PCDH15: variants seen among roughly 807,000 people sequenced by gnomAD.
PCDH15 encodes the protein protocadherin-15.
PCDH15 carries 129 observed loss-of-function variants against 178.5 expected under a neutral mutation model. The observed-to-expected ratio is 0.72, with a 90% CI of 0.63 to 0.84. The LOEUF is 0.84. PCDH15 is among the 40% of genes least tolerant of loss of function. PCDH15 has a pLI of 0.00. For missense variants in PCDH15, 2,230 were observed against 2,099.9 expected (o/e 1.06, Z -1.21); for synonymous variants, 800 against 732.0 (o/e 1.09, Z -1.50).
chr10:54,179,465 T>C (rs2047768508), intron 13 of PCDH15, among the ~76,000 whole-genome samples: 2 of 151,626 alleles, frequency 1.3e-5, no homozygotes, highest in Admixed American at 6.6e-5. Context: ...ATATACCTAA[T>C]GCTAAATGAC....
chr10:55,457,259 T>C (rs971869205), intron 2 of PCDH15, among the ~76,000 whole-genome samples: 2 of 152,100 alleles, frequency 1.3e-5, no homozygotes, highest in Non-Finnish European at 2.9e-5. Flanking sequence ...AACTACCACA[T>C]GCTTGTTGCC....
At chr10:55,234,543 G>T (rs2132202988) in intron 1 of PCDH15, among the ~76,000 whole-genome samples, 1 of 151,646 alleles carries the variant, frequency 6.6e-6, no homozygotes, top group South Asian at 2.1e-4. Context: ...AATTTTTTTG[G>T]TTGGGTGGAT....
At chr10:54,066,517 A>AT (rs2094139702) in intron 18 of PCDH15, among the ~76,000 whole-genome samples, 1 of 152,344 alleles carries the variant, frequency 6.6e-6, no homozygotes, top group African/African-American at 2.4e-5. Flanking sequence ...TATATATTAA[A>AT]TTAGCATACT....
At chr10:54,541,942 C>G (rs1411946283) in intron 2 of PCDH15, among the ~76,000 whole-genome samples, 1 of 152,044 alleles carries the variant, frequency 6.6e-6, no homozygotes, top group East Asian at 1.9e-4. Context: ...ACTTTGACTA[C>G]TAAATAAAAT....
intron 11 of PCDH15, among the ~76,000 whole-genome samples, chr10:54,193,862 A>C (rs1225050521): frequency 1.3e-5 from 2 of 152,156 alleles, no homozygotes; most frequent in African/African-American, 4.8e-5. Flanking sequence ...CACTGTGATC[A>C]TGGTAAGGCA....
intron 1 of PCDH15, among the ~76,000 whole-genome samples, chr10:54,716,457 CCT>C (rs2132431367): frequency 1.3e-5 from 2 of 152,196 alleles, no homozygotes; most frequent in East Asian, 3.9e-4. Flanking sequence ...TTGTAGTTCT[CCT>C]TGAAGAGGTC....
At chr10:54,991,513 C>T (rs1839500484) in intron 2 of PCDH15, among the ~76,000 whole-genome samples, 1 of 152,074 alleles carries the variant, frequency 6.6e-6, no homozygotes, top group Non-Finnish European at 1.5e-5. Context: ...CAAATAATTA[C>T]TAATTTTATA....
intron 3 of PCDH15, among the ~76,000 whole-genome samples, chr10:54,836,440 T>C (rs914229622): frequency 6.6e-5 from 10 of 152,078 alleles, no homozygotes; most frequent in African/African-American, 1.7e-4. Flanking sequence ...ATCTTCAAAA[T>C]AGAGAAAAAT....
At chr10:54,639,923 T>C (rs933670395) in intron 2 of PCDH15, among the ~76,000 whole-genome samples, 1 of 152,092 alleles carries the variant, frequency 6.6e-6, no homozygotes, top group Non-Finnish European at 1.5e-5. Context: ...CTAGTGATTA[T>C]AGATAGATTT....
Position 54,939,361 on chromosome 10 carries a change from G to T in PCDH15, c.-79-41861C>A, listed in dbSNP as rs564556818. Among the ~76,000 whole-genome samples the T allele has an allele frequency of 1.8e-4, 27 of 151,638 alleles. No individual in the cohort carries two copies. In the East Asian group the frequency reaches 5.3e-3, roughly 30 times the overall value. Reference sequence around the variant, plus strand: ...AAACAAAAAATTAGCCGGGCGTGGTGGCGGGCCCCTGTAGTCCCAGCTACT... The same window carrying T: ...AAACAAAAAATTAGCCGGGCGTGGTTGCGGGCCCCTGTAGTCCCAGCTACT... On this transcript the variant is annotated intron_variant, in intron 2 of 5. Coordinates refer to the PCDH15 transcript ENST00000458638.
intron 2 of PCDH15, among the ~76,000 whole-genome samples, chr10:55,159,125 T>G (rs1240597170): frequency 2.0e-5 from 3 of 151,872 alleles, no homozygotes. Flanking sequence ...GTCTTGGGAT[T>G]ATATTTCAGA....
At chr10:54,808,907 A>G (rs1288634647) in intron 3 of PCDH15, among the ~76,000 whole-genome samples, 1 of 151,578 alleles carries the variant, frequency 6.6e-6, no homozygotes, top group Non-Finnish European at 1.5e-5. Context: ...TTTTAGGCTG[A>G]TTTAGCTCTA....
At chr10:55,397,579 C>T (rs1471525525) in intron 2 of PCDH15, among the ~76,000 whole-genome samples, 3 of 151,818 alleles carry the variant, frequency 2.0e-5, no homozygotes, top group Non-Finnish European at 4.4e-5. Flanking sequence ...TTCCTGTCTC[C>T]TGTATATTGC....
intron 6 of PCDH15, among the ~76,000 whole-genome samples, chr10:54,335,904 T>A (rs1941002097): frequency 2.0e-5 from 3 of 152,158 alleles, no homozygotes; most frequent in Non-Finnish European, 1.5e-5. Flanking sequence ...AAGGTGGGAA[T>A]GTTTGGAACT....
chr10:53,839,859 C>T (rs998364589), intron 29 of PCDH15, among the ~76,000 whole-genome samples: 1 of 152,168 alleles, frequency 6.6e-6, no homozygotes, highest in Non-Finnish European at 1.5e-5. Flanking sequence ...CCCACCTGCT[C>T]TCCACCTGTA....
intron 2 of PCDH15, among the ~76,000 whole-genome samples, chr10:54,662,090 A>G (rs1252659003): frequency 6.6e-6 from 1 of 152,040 alleles, no homozygotes; most frequent in Non-Finnish European, 1.5e-5. Context: ...GCACAGCAAA[A>G]GAAACAATTA....
chr10:54,984,522 T>A (rs918656210), intron 2 of PCDH15, among the ~76,000 whole-genome samples: 1 of 152,152 alleles, frequency 6.6e-6, no homozygotes, highest in Non-Finnish European at 1.5e-5. Flanking sequence ...CTGTCCATTC[T>A]TAATTGAACT....
At chr10:53,941,860 G>C (rs2086097415) in intron 23 of PCDH15, among the ~76,000 whole-genome samples, 1 of 152,140 alleles carries the variant, frequency 6.6e-6, no homozygotes, top group African/African-American at 2.4e-5. Context: ...CATTCTAATA[G>C]GTGTGTGGTG....
At chr10:54,391,071 T>C (rs1447600741) in intron 3 of PCDH15, among the ~76,000 whole-genome samples, 1 of 152,238 alleles carries the variant, frequency 6.6e-6, no homozygotes, top group African/African-American at 2.4e-5. Context: ...TTGCATTTTA[T>C]ACCTGTTAGT....
Sources: allele counts gnomAD v4.1 joint callset (sites outside exome capture counted in the v4.1 genomes callset), GRCh38; gene constraint gnomAD v4.1.1; transcripts MANE v1.5; gene names NCBI Gene and HGNC (gene_info 2026-07-23, HGNC 2026-07-21).